Variants in PBX3 observed in about 807,000 individuals in gnomAD.
PBX3 encodes pre-B-cell leukemia transcription factor 3.
PBX3 carries 14 observed loss-of-function variants against 48.5 expected under a neutral mutation model. The ratio of observed to expected loss-of-function variants is 0.29; its 90% CI spans 0.19 to 0.45. The LOEUF (loss-of-function observed/expected upper bound fraction) is 0.45, where lower values mean the gene tolerates loss of function less well. Ranked by LOEUF, PBX3 falls within the 20% of genes least tolerant of loss-of-function variation. The pLI, the probability that PBX3 is intolerant of heterozygous loss-of-function variation, is 1.00. For synonymous variants in PBX3, 210 were observed against 200.3 expected (o/e 1.05, Z -0.41); for missense variants, 386 against 546.7 (o/e 0.71, Z 2.93).
chr9:125,873,447 G>GA (rs2132327573), intron 2 of PBX3, among the ~76,000 whole-genome samples: 1 of 152,210 alleles, frequency 6.6e-6, no homozygotes, highest in African/African-American at 2.4e-5. Flanking sequence ...ACTTAACTAT[G>GA]AGTCAAACTT....
At chr9:125,748,525 TTG>T in intron 1 of PBX3, 23 bp from the exon 2 acceptor site, 3 of 1,610,340 alleles carry the variant, frequency 1.9e-6, no homozygotes, top group Non-Finnish European at 2.5e-6. Flanking sequence ...GCTAATACCT[TTG>T]TGTTTCGTTA....
chr9:125,808,263 G>A (rs187906425), intron 2 of PBX3, among the ~76,000 whole-genome samples: 1 of 152,160 alleles, frequency 6.6e-6, no homozygotes, highest in Non-Finnish European at 1.5e-5. Flanking sequence ...GAAAAATGTG[G>A]GACTGACAGC....
chr9:125,944,321 T>A (rs1423432693), intron 5 of PBX3, among the ~76,000 whole-genome samples: 1 of 152,218 alleles, frequency 6.6e-6, no homozygotes, highest in Non-Finnish European at 1.5e-5. Context: ...TTTAAATAAG[T>A]TAATTTGATC....
chr9:125,862,661 A>G (rs1730277612), intron 2 of PBX3, among the ~76,000 whole-genome samples: 1 of 152,122 alleles, frequency 6.6e-6, no homozygotes, highest in African/African-American at 2.4e-5. Context: ...CTGGGATTAC[A>G]GGTGTGAGCC....
At chr9:125,809,423 T>A (rs957193893) in intron 2 of PBX3, among the ~76,000 whole-genome samples, 1 of 151,628 alleles carries the variant, frequency 6.6e-6, no homozygotes, top group African/African-American at 2.4e-5. Flanking sequence ...TCCATCTCAA[T>A]GCTGATTTTT....
chr9:125,766,325 TTA>T (rs149899837), intron 2 of PBX3, among the ~76,000 whole-genome samples: 1 of 152,206 alleles, frequency 6.6e-6, no homozygotes, highest in African/African-American at 2.4e-5. Context: ...CCTAAGTAAT[TTA>T]TATGTAAATT....
intron 2 of PBX3, among the ~76,000 whole-genome samples, chr9:125,751,638 T>C (rs559603206): frequency 6.6e-6 from 1 of 152,370 alleles, no homozygotes; most frequent in African/African-American, 2.4e-5. Context: ...ATTGTGATAT[T>C]TGTGCATTTT....
In PBX3 at chr9:125,939,054, T is replaced by C. The variant is rs539835765; in HGVS notation, c.843+3447T>C. Among the ~76,000 whole-genome samples the C allele has an allele frequency of 1.5e-4, 22 of 151,470 alleles. No homozygotes were observed. The East Asian group carries it at 4.3e-3, about 30-fold the overall frequency. ...TGAGTGCCCACAAAGATAAAACAAA[T>C]GGGGAAAAATAATAATAGGGGAAGG... On this transcript the variant is annotated intron_variant, in intron 5 of 8. Coordinates refer to ENST00000373489, the MANE Select transcript of PBX3 (RefSeq NM_006195.6).
intron 2 of PBX3, among the ~76,000 whole-genome samples, chr9:125,853,776 G>C (rs957304359): frequency 1.3e-5 from 2 of 152,044 alleles, no homozygotes; most frequent in African/African-American, 2.4e-5. Flanking sequence ...ATTTTTGATG[G>C]TTATGAGTGA....
At chr9:125,878,497 A>G (rs1453762604) in intron 2 of PBX3, among the ~76,000 whole-genome samples, 1 of 152,224 alleles carries the variant, frequency 6.6e-6, no homozygotes, top group Non-Finnish European at 1.5e-5. Context: ...AAAGGCCTAG[A>G]TAATTAGGCC....
chr9:125,891,164 C>G (rs1178804815), intron 2 of PBX3, among the ~76,000 whole-genome samples: 1 of 152,190 alleles, frequency 6.6e-6, no homozygotes, highest in East Asian at 1.9e-4. Context: ...GTACTATGCA[C>G]TGGTTCCAAA....
chr9:125,785,199 G>C (rs1040907621), intron 2 of PBX3, among the ~76,000 whole-genome samples: 18 of 152,228 alleles, frequency 1.2e-4, no homozygotes, highest in Non-Finnish European at 2.4e-4. Context: ...TTGTCAACTT[G>C]ATTGGGTTGA....
intron 2 of PBX3, among the ~76,000 whole-genome samples, chr9:125,825,146 T>C (rs1410486814): frequency 1.3e-5 from 2 of 152,172 alleles, no homozygotes; most frequent in African/African-American, 2.4e-5. Context: ...TGGCTGGGCG[T>C]GGTGGCATGC....
chr9:125,832,456 A>C (rs1838993498), intron 2 of PBX3, among the ~76,000 whole-genome samples: 1 of 152,166 alleles, frequency 6.6e-6, no homozygotes, highest in South Asian at 2.1e-4. Context: ...CGGCCTCCCA[A>C]AGTGCTGGGA....
chr9:125,949,107 C>T (rs184643873), intron 5 of PBX3, among the ~76,000 whole-genome samples: 8 of 152,316 alleles, frequency 5.3e-5, no homozygotes, highest in Non-Finnish European at 7.3e-5. Flanking sequence ...GGTACTTTAA[C>T]TTCAGATGAC....
At chr9:125,780,448 G>T (rs1335920056) in intron 2 of PBX3, among the ~76,000 whole-genome samples, 1 of 129,590 alleles carries the variant, frequency 7.7e-6, no homozygotes, top group Non-Finnish European at 1.6e-5. Context: ...AGACGGGGCG[G>T]CTGGCCGGGC....
intron 2 of PBX3, among the ~76,000 whole-genome samples, chr9:125,785,863 C>G (rs990435861): frequency 6.6e-6 from 1 of 152,006 alleles, no homozygotes; most frequent in African/African-American, 2.4e-5. Flanking sequence ...GAGCCTGCCA[C>G]TAAACCAGGT....
At chr9:125,843,557 C>G (rs760039569) in intron 2 of PBX3, among the ~76,000 whole-genome samples, 1 of 152,076 alleles carries the variant, frequency 6.6e-6, no homozygotes, top group African/African-American at 2.4e-5. Context: ...TTATCTTTAT[C>G]TTTATTTATT....
At chr9:125,821,431 CT>C (rs1564673812) in intron 2 of PBX3, among the ~76,000 whole-genome samples, 1 of 151,892 alleles carries the variant, frequency 6.6e-6, no homozygotes, top group Non-Finnish European at 1.5e-5. Flanking sequence ...AAGAAAGAAT[CT>C]TTTTTAAAGG....
Sources: gnomAD v4.1 joint callset for allele counts (sites outside exome capture counted in the v4.1 genomes callset) on GRCh38, gnomAD v4.1.1 for gene constraint, MANE v1.5 for transcripts, NCBI Gene and HGNC (gene_info 2026-07-23, HGNC 2026-07-21) for gene names.